Variants in ZFX observed in about 807,000 individuals in gnomAD.
ZFX encodes zinc finger protein X-linked.
For synonymous variants in ZFX, 196 were observed against 226.8 expected, an observed-to-expected ratio of 0.86 and a Z score of 1.22; for missense variants, 362 against 628.3, an observed-to-expected ratio of 0.58 and a Z score of 4.53.
At chrX:24,172,604 C>A in intron 3 of ZFX, 111 bp from the exon 4 acceptor site, 1 of 513,764 alleles carries the variant, frequency 1.9e-6, no homozygotes, top group Non-Finnish European at 3.0e-6. Context: ...TTTTGATACA[C>A]ATTTATCTTT....
intron 5 of ZFX, among the ~76,000 whole-genome samples, chrX:24,184,992 C>G (rs902838503): frequency 8.9e-6 from 1 of 112,018 alleles, no homozygotes; most frequent in Non-Finnish European, 1.9e-5. Context: ...GCTCCCTTAC[C>G]CAGGCTGGGA....
intron 3 of ZFX, among the ~76,000 whole-genome samples, chrX:24,171,017 TG>T (rs1181059724): frequency 8.9e-6 from 1 of 112,417 alleles, no homozygotes; most frequent in Non-Finnish European, 1.9e-5. Context: ...ATTCCTTTTA[TG>T]AATGTTAATT....
Position 24,210,473 on chromosome X carries a change from T to A in ZFX, c.1515T>A (p.Thr505=), listed in dbSNP as rs571082669. 1.9e-4 allele frequency: 225 copies of A among 1,210,225 alleles called. No individual in the cohort carries two copies. The South Asian group carries it at 3.2e-3, about 17-fold the overall frequency. The part of the protein sequence containing the change: ...KHFSHAGALF[T]HKMVHKEKGA... ...TCTCTCATGCAGGGGCTTTGTTTAC[T>A]CACAAAATGGTGCATAAGGAAAAAG... Residue 505 remains threonine (T), a synonymous_variant, in exon 10 of 10, where the codon ACT becomes ACA. Transcript: ENST00000304543.
intron 4 of ZFX, 41 bp from the exon 5 acceptor site, chrX:24,179,142 C>A: frequency 9.1e-7 from 1 of 1,103,760 alleles, no homozygotes; most frequent in Non-Finnish European, 1.2e-6. Context: ...TGTAGTCATG[C>A]ATACTTACCT....
intron 4 of ZFX, among the ~76,000 whole-genome samples, chrX:24,178,131 C>T (rs940909506): frequency 9.2e-6 from 1 of 109,030 alleles, no homozygotes; most frequent in Admixed American, 9.8e-5. Flanking sequence ...AGGGTTTCAC[C>T]GTGTTAGCCA....
At chrX:24,198,483 GTT>G (rs5901749) in intron 5 of ZFX, among the ~76,000 whole-genome samples, 1,518 of 87,275 alleles carry the variant, frequency 0.017, 31 homozygotes, top group African/African-American at 0.056. Flanking sequence ...ACCTGGCTTT[GTT>G]TTTTTTTTTT....
At chrX:24,199,866 G>T (rs1486157917) in intron 5 of ZFX, among the ~76,000 whole-genome samples, 2 of 108,677 alleles carry the variant, frequency 1.8e-5, no homozygotes, top group African/African-American at 6.7e-5. Context: ...GCAGTGAGCT[G>T]AGATCGCACC....
chrX:24,178,654 T>C (rs1428298902), intron 4 of ZFX, among the ~76,000 whole-genome samples: 1 of 109,488 alleles, frequency 9.1e-6, no homozygotes, highest in African/African-American at 3.3e-5. Context: ...CCACCTTGGC[T>C]CACTGCAATG....
At chrX:24,186,458 AC>A (rs1190730597) in intron 5 of ZFX, among the ~76,000 whole-genome samples, 6 of 109,085 alleles carry the variant, frequency 5.5e-5, no homozygotes, top group African/African-American at 1.7e-4. Context: ...ACTCCCCACA[AC>A]CCCCCAAAAA....
chrX:24,174,400 T>C (rs1934943546), intron 4 of ZFX, among the ~76,000 whole-genome samples: 1 of 105,455 alleles, frequency 9.5e-6, no homozygotes, highest in Admixed American at 1.0e-4. Context: ...ATTAAAATTT[T>C]TTTTTTTTTT....
rs777632234 is a variant in ZFX, at chrX:24,174,332, A to G, written c.58+1532A>G. Among the ~76,000 whole-genome samples the G allele has an allele frequency of 7.2e-5, 8 of 111,834 alleles. No individual in the cohort carries two copies. In the East Asian group the frequency reaches 2.0e-3, roughly 27 times the overall value. On this transcript the variant is annotated intron_variant, in intron 4 of 9. Transcript: ENST00000304543. ...ATTGGACTGTAAATGATCAGATTGT[A>G]GTATATTAAAGAAATAGCAATCAAC...
chrX:24,172,802 TATAACTACTTGA>T lies in ZFX; in HGVS notation c.58+5_58+16del. ...CAAACTCATTTTTTGATGCAACAGG[TATAACTACTTGA>T]ATTGTTCCACTTCCCATCTACCAGA... On this transcript the variant is annotated splice_donor_5th_base_variant and intron_variant, in intron 4 of 9. Coordinates refer to ENST00000304543, the MANE Select transcript of ZFX (RefSeq NM_003410.4). 1 of 1,195,269 alleles carries T rather than the reference TATAACTACTTGA, an allele frequency of 8.4e-7. No individual in the cohort carries two copies. Among genetic ancestry groups the T allele is most frequent in the Non-Finnish European group, 1.1e-6 (1 of 889,356 alleles).
intron 3 of ZFX, among the ~76,000 whole-genome samples, chrX:24,156,002 T>C (rs1374399353): frequency 1.8e-5 from 2 of 112,131 alleles, no homozygotes; most frequent in African/African-American, 6.5e-5. Context: ...GTTCAAGCAA[T>C]TGTCCTGCCT....
chrX:24,195,831 T>G (rs976151287), intron 5 of ZFX, among the ~76,000 whole-genome samples: 1 of 112,599 alleles, frequency 8.9e-6, no homozygotes, highest in Non-Finnish European at 1.9e-5. Context: ...ATATGTTCTT[T>G]CTTCACGTCC....
intron 4 of ZFX, among the ~76,000 whole-genome samples, chrX:24,174,869 A>T (rs1226129198): frequency 4.5e-5 from 5 of 110,449 alleles, no homozygotes; most frequent in Non-Finnish European, 9.5e-5. Context: ...GGGCGCCATC[A>T]AGCCCAGCTA....
At chrX:24,161,327 A>T (rs1348297437) in intron 3 of ZFX, among the ~76,000 whole-genome samples, 1 of 112,352 alleles carries the variant, frequency 8.9e-6, no homozygotes, top group African/African-American at 3.2e-5. Context: ...ATTCAGTGCA[A>T]TCGCAATAAA....
chrX:24,195,194 G>A (rs1164797596), intron 5 of ZFX, among the ~76,000 whole-genome samples: 1 of 110,637 alleles, frequency 9.0e-6, no homozygotes, highest in Non-Finnish European at 1.9e-5. Context: ...TAAATAATAC[G>A]CTTTCTTGAT....
intron 5 of ZFX, among the ~76,000 whole-genome samples, chrX:24,201,794 C>T (rs947517816): frequency 4.4e-5 from 5 of 112,446 alleles, no homozygotes; most frequent in African/African-American, 1.6e-4. Flanking sequence ...TTTCTCCCTA[C>T]AAACCATTTT....
At chrX:24,167,581 AAAAAG>A (rs1487336206) in intron 3 of ZFX, among the ~76,000 whole-genome samples, 1 of 111,946 alleles carries the variant, frequency 8.9e-6, no homozygotes, top group Non-Finnish European at 1.9e-5. Context: ...TGTCCACCCA[AAAAAG>A]AAAAGATTGC....
Sources: gnomAD v4.1 joint callset for allele counts (sites outside exome capture counted in the v4.1 genomes callset) on GRCh38, gnomAD v4.1.1 for gene constraint, MANE v1.5 for transcripts, NCBI Gene and HGNC (gene_info 2026-07-23, HGNC 2026-07-21) for gene names.